The following GPC5 variants were observed in gnomAD, a reference collection of about 807,000 sequenced individuals.
GPC5 encodes the protein glypican 5, also known as glypican-5.
A neutral mutation model predicts 53.9 loss-of-function variants in GPC5; 47 were observed. The observed-to-expected ratio is 0.87, with a 90% CI of 0.69 to 1.11. GPC5 has a LOEUF of 1.11. Ranked by LOEUF, GPC5 falls within the 50% of genes most tolerant of loss-of-function variation. GPC5 has a pLI of 0.00. For synonymous variants in GPC5, 286 were observed against 263.3 expected, an observed-to-expected ratio of 1.09 and a Z score of -0.84; for missense variants, 748 against 713.1, an observed-to-expected ratio of 1.05 and a Z score of -0.56.
intron 7 of GPC5, among the ~76,000 whole-genome samples, chr13:92,823,410 A>C (rs1390090124): frequency 6.6e-6 from 1 of 152,144 alleles, no homozygotes; most frequent in African/African-American, 2.4e-5. Flanking sequence ...GATTTGCTAT[A>C]ATATAATTTA....
At chr13:92,453,268 C>G (rs528742519) in intron 7 of GPC5, among the ~76,000 whole-genome samples, 5 of 152,148 alleles carry the variant, frequency 3.3e-5, no homozygotes, top group African/African-American at 1.2e-4. Flanking sequence ...TAACGAATGT[C>G]TAAATAACAT....
chr13:91,778,336 C>G (rs1566678954), intron 5 of GPC5, among the ~76,000 whole-genome samples: 1 of 152,106 alleles, frequency 6.6e-6, no homozygotes, highest in Non-Finnish European at 1.5e-5. Context: ...ACCGAGTATT[C>G]AAACCAAAGA....
chr13:91,681,139 A>T (rs966682346), intron 2 of GPC5, among the ~76,000 whole-genome samples: 1 of 152,174 alleles, frequency 6.6e-6, no homozygotes, highest in Non-Finnish European at 1.5e-5. Flanking sequence ...TTACTGAGCT[A>T]CATATGTAAA....
In GPC5 at chr13:92,425,591, T is replaced by C. The variant is rs1320317100; in HGVS notation, c.1561+280602T>C. Among the ~76,000 whole-genome samples, 4 of 152,128 alleles carry C rather than the reference T, an allele frequency of 2.6e-5. No individual in the cohort carries two copies. In the South Asian group the frequency reaches 8.3e-4, roughly 31 times the overall value. The stretch of plus-strand genomic sequence containing the variant: ...ATGCAGAGTCAGATTCCAGAGCCTA[T>C]GTCCTTCCTTCACTCTTCTCCTGTT... On this transcript the variant is annotated intron_variant, in intron 7 of 7. Transcript: ENST00000377067.
At chr13:92,723,072 A>C (rs966202656) in intron 7 of GPC5, among the ~76,000 whole-genome samples, 1 of 151,746 alleles carries the variant, frequency 6.6e-6, no homozygotes, top group Non-Finnish European at 1.5e-5. Context: ...TTTGTTAATA[A>C]TATAGCCTTG....
At chr13:92,261,132 G>A (rs2042764119) in intron 7 of GPC5, among the ~76,000 whole-genome samples, 1 of 152,090 alleles carries the variant, frequency 6.6e-6, no homozygotes, top group Non-Finnish European at 1.5e-5. Flanking sequence ...AATTACATAT[G>A]TTTGAAATTA....
chr13:92,048,937 T>G (rs955080120), intron 6 of GPC5, among the ~76,000 whole-genome samples: 1 of 152,198 alleles, frequency 6.6e-6, no homozygotes, highest in African/African-American at 2.4e-5. Flanking sequence ...AATCATGATT[T>G]CAGTTGAAAC....
chr13:91,445,909 C>A (rs995489153), intron 1 of GPC5, among the ~76,000 whole-genome samples: 1 of 152,198 alleles, frequency 6.6e-6, no homozygotes, highest in African/African-American at 2.4e-5. Context: ...GGTCGCTGTG[C>A]TTTCCTGTCA....
chr13:91,843,944 G>A (rs568786622), intron 5 of GPC5, among the ~76,000 whole-genome samples: 3 of 152,302 alleles, frequency 2.0e-5, no homozygotes, highest in East Asian at 1.9e-4. Context: ...GGATAGTTAT[G>A]CCTTTAATAG....
chr13:91,961,718 T>C (rs2040127606), intron 6 of GPC5, among the ~76,000 whole-genome samples: 1 of 152,074 alleles, frequency 6.6e-6, no homozygotes, highest in African/African-American at 2.4e-5. Context: ...TAAGTAAAGA[T>C]AACTATTGTG....
chr13:91,667,902 T>A (rs2882822), intron 2 of GPC5, among the ~76,000 whole-genome samples: 38,213 of 152,050 alleles, frequency 0.25, 6,669 homozygotes, highest in African/African-American at 0.49. Flanking sequence ...TGCAGCAGTG[T>A]TGTGTGCTGC....
At chr13:91,418,764 T>A (rs1878405210) in intron 1 of GPC5, among the ~76,000 whole-genome samples, 1 of 152,162 alleles carries the variant, frequency 6.6e-6, no homozygotes, top group Admixed American at 6.5e-5. Context: ...TTCTGTAGGG[T>A]ATTCCTTTAA....
chr13:92,107,843 T>C (rs1300622768), intron 6 of GPC5, among the ~76,000 whole-genome samples: 2 of 152,190 alleles, frequency 1.3e-5, no homozygotes, highest in Non-Finnish European at 2.9e-5. Context: ...CTCTAAACCA[T>C]TTTCTCTTTT....
chr13:92,261,552 G>A (rs569063248), intron 7 of GPC5, among the ~76,000 whole-genome samples: 20 of 152,098 alleles, frequency 1.3e-4, no homozygotes, highest in African/African-American at 4.8e-4. Context: ...TCTAAATAAG[G>A]ATTTAGAAAT....
intron 5 of GPC5, among the ~76,000 whole-genome samples, chr13:91,759,762 G>A (rs564361330): frequency 1.1e-4 from 16 of 151,590 alleles, no homozygotes; most frequent in Admixed American, 2.6e-4. Context: ...ATCAATTCTC[G>A]TTGATTGATT....
intron 7 of GPC5, among the ~76,000 whole-genome samples, chr13:92,263,783 A>G (rs948155606): frequency 3.3e-5 from 5 of 152,166 alleles, no homozygotes; most frequent in African/African-American, 4.8e-5. Context: ...ATTATCGGCC[A>G]TATCACCGAT....
intron 2 of GPC5, among the ~76,000 whole-genome samples, chr13:91,588,869 G>T (rs1384846178): frequency 6.6e-6 from 1 of 152,116 alleles, no homozygotes; most frequent in East Asian, 1.9e-4. Flanking sequence ...CATTGGAGCT[G>T]CTGTGTCATT....
chr13:92,038,579 G>A (rs950580008), intron 6 of GPC5, among the ~76,000 whole-genome samples: 1 of 149,472 alleles, frequency 6.7e-6, no homozygotes, highest in African/African-American at 2.5e-5. Context: ...CATTACTATA[G>A]TATAGATCAT....
chr13:91,874,914 C>T (rs2039185515), intron 5 of GPC5, among the ~76,000 whole-genome samples: 1 of 152,114 alleles, frequency 6.6e-6, no homozygotes, highest in Non-Finnish European at 1.5e-5. Context: ...ACAAACCACT[C>T]AATAACAAAG....
Sources: gnomAD v4.1 joint callset for allele counts (sites outside exome capture counted in the v4.1 genomes callset) on GRCh38, gnomAD v4.1.1 for gene constraint, MANE v1.5 for transcripts, NCBI Gene and HGNC (gene_info 2026-07-23, HGNC 2026-07-21) for gene names.